USP32: variants seen among roughly 807,000 people sequenced by gnomAD.
USP32 encodes ubiquitin specific peptidase 32, also known as ubiquitin carboxyl-terminal hydrolase 32.
In USP32, 59 loss-of-function variants were observed where a neutral mutation model predicts 204.8. That is an observed-to-expected ratio of 0.29 (90% CI 0.23 to 0.36). USP32 has a LOEUF of 0.36. USP32 is among the 10% of genes least tolerant of loss of function. The pLI is 1.00. For synonymous variants in USP32, 517 were observed against 678.4 expected, an observed-to-expected ratio of 0.76 and a Z score of 3.70; for missense variants, 1,160 against 1,946.4, an observed-to-expected ratio of 0.60 and a Z score of 7.60.
chr17:60,223,501 C>T lies in USP32; in HGVS notation c.1518G>A (p.Leu506=), dbSNP rs980070656. The T allele has an allele frequency of 3.1e-6, 5 of 1,613,718 alleles. No individual in the cohort carries two copies. The highest frequency in any genetic ancestry group is 4.2e-6 in the Non-Finnish European group (5 of 1,179,964). Residue 506 remains leucine (L), a synonymous_variant, in exon 14 of 34, where the codon CTG becomes CTA. Transcript: ENST00000300896. ...NTSDNNNQCL[L]GANGNILLHL... is the part of the protein sequence containing the mutation. ...GCAACAAAATATTCCCATTGGCTCCCAGCAAACACTGGTTGTTATTGTCAG... is the reference window on the plus strand; with the variant it reads ...GCAACAAAATATTCCCATTGGCTCCTAGCAAACACTGGTTGTTATTGTCAG...
chr17:60,225,952 CAA>C (rs11309727), intron 13 of USP32, 85 bp downstream of exon 13: 136,154 of 982,208 alleles, frequency 0.14, 53 homozygotes, highest in South Asian at 0.15. Context: ...AACTCAGTCT[CAA>C]AAAAAAAAAA....
At chr17:60,319,530 C>G (rs1567850098) in intron 2 of USP32, among the ~76,000 whole-genome samples, 1 of 152,192 alleles carries the variant, frequency 6.6e-6, no homozygotes, top group Non-Finnish European at 1.5e-5. Context: ...GTAATCCCAG[C>G]ACTCTGGGAG....
chr17:60,312,507 C>G (rs915851955), intron 2 of USP32, among the ~76,000 whole-genome samples: 3 of 151,972 alleles, frequency 2.0e-5, no homozygotes, highest in African/African-American at 7.3e-5. Flanking sequence ...CTCATCGCAG[C>G]CTTGACCTCC....
chr17:60,286,136 C>CAAA (rs1170911336), intron 5 of USP32, among the ~76,000 whole-genome samples: 91 of 84,226 alleles, frequency 1.1e-3, no homozygotes, highest in African/African-American at 3.1e-3. Flanking sequence ...ACAGTGTGTC[C>CAAA]AAAAAAAAAA....
chr17:60,225,106 TACTG>T (rs1326806751), intron 13 of USP32, among the ~76,000 whole-genome samples: 2 of 152,166 alleles, frequency 1.3e-5, no homozygotes, highest in African/African-American at 4.8e-5. Flanking sequence ...AATTTAAATT[TACTG>T]ACTAAATAAT....
chr17:60,232,329 C>T (rs180881146), intron 12 of USP32, among the ~76,000 whole-genome samples: 10 of 151,212 alleles, frequency 6.6e-5, no homozygotes, highest in East Asian at 2.0e-4. Flanking sequence ...CACGCCACCA[C>T]GCCAGGCTAA....
intron 1 of USP32, among the ~76,000 whole-genome samples, chr17:60,405,559 C>T (rs2089969214): frequency 6.6e-6 from 1 of 151,932 alleles, no homozygotes; most frequent in African/African-American, 2.4e-5. Context: ...CCCAAGAATT[C>T]GAGACCAGCA....
intron 11 of USP32, among the ~76,000 whole-genome samples, chr17:60,241,165 T>C (rs1017612618): frequency 6.6e-6 from 1 of 152,160 alleles, no homozygotes; most frequent in Non-Finnish European, 1.5e-5. Flanking sequence ...GGCCGGCTAA[T>C]TTTTTGTATT....
chr17:60,406,167 A>G (rs1171684744), intron 1 of USP32, among the ~76,000 whole-genome samples: 1 of 151,720 alleles, frequency 6.6e-6, no homozygotes, highest in Non-Finnish European at 1.5e-5. Flanking sequence ...AAAAAAAAAA[A>G]AAAAAAAAAA....
At chr17:60,330,285 T>A (rs930235002) in intron 2 of USP32, among the ~76,000 whole-genome samples, 5 of 152,134 alleles carry the variant, frequency 3.3e-5, no homozygotes, top group Admixed American at 6.5e-5. Flanking sequence ...TTTTCATCCA[T>A]GATCTTAAAA....
At chr17:60,249,562 A>G (rs1427002386) in intron 11 of USP32, 2 of 545,050 alleles carry the variant, frequency 3.7e-6, no homozygotes, top group Non-Finnish European at 6.4e-6. Flanking sequence ...TTATCCTTGG[A>G]CAGGCATTTA....
chr17:60,374,700 T>C (rs377069337), intron 1 of USP32, among the ~76,000 whole-genome samples: 3 of 152,162 alleles, frequency 2.0e-5, no homozygotes, highest in South Asian at 2.1e-4. Context: ...ATAGAAGGAG[T>C]ATACTCTAAA....
intron 1 of USP32, among the ~76,000 whole-genome samples, chr17:60,389,625 T>A (rs1034830400): frequency 6.6e-6 from 1 of 152,040 alleles, no homozygotes; most frequent in Non-Finnish European, 1.5e-5. Flanking sequence ...GGACCATGCT[T>A]AAAGAAGGGG....
At chr17:60,215,655 C>G (rs1308953196) in intron 16 of USP32, among the ~76,000 whole-genome samples, 4 of 151,614 alleles carry the variant, frequency 2.6e-5, no homozygotes, top group African/African-American at 9.7e-5. Context: ...TACAACTGCA[C>G]CAGAAAACAT....
chr17:60,177,893 G>A lies in USP32; in HGVS notation c.*1362C>T, dbSNP rs2084005883. Among the ~76,000 whole-genome samples, 1 of 152,064 alleles carries A rather than the reference G, an allele frequency of 6.6e-6. No homozygotes were observed. The highest frequency in any genetic ancestry group is 1.5e-5 in the Non-Finnish European group (1 of 68,006). ...GACAATTAATGAGAATCAACTTGCA[G>A]GGTCTAAATGAATAAACAAAGACCA... On this transcript the variant is annotated 3_prime_UTR_variant, in exon 34 of 34. Transcript: ENST00000300896.
intron 1 of USP32, among the ~76,000 whole-genome samples, chr17:60,347,381 T>A (rs1477174126): frequency 6.7e-6 from 1 of 148,844 alleles, no homozygotes; most frequent in Non-Finnish European, 1.5e-5. Flanking sequence ...TGAGACGGCA[T>A]CTTGCTCTGT....
rs1349445839 is a variant in USP32 at position 60,209,546 on chromosome 17, A to G, written c.2425-3T>C. On this transcript the variant is annotated splice_polypyrimidine_tract_variant and splice_region_variant and intron_variant, in intron 21 of 33. Coordinates refer to ENST00000300896, the MANE Select transcript of USP32 (RefSeq NM_032582.4). The stretch of plus-strand genomic sequence containing the variant: ...GGAGCATATTTTGCTATGGTCCACT[A>G]TAAATATAAGAGAAGTCACAGTCAT... 6.4e-7 allele frequency: 1 copy of G among 1,572,136 alleles called. No individual in the cohort carries two copies. The highest frequency in any genetic ancestry group is 1.2e-5 in the South Asian group (1 of 81,744).
intron 9 of USP32, among the ~76,000 whole-genome samples, chr17:60,259,912 T>A (rs1427820611): frequency 6.6e-6 from 1 of 152,214 alleles, no homozygotes; most frequent in Admixed American, 6.5e-5. Context: ...TTGGTGATAT[T>A]TTTGTGACTA....
chr17:60,382,403 CA>C (rs1388046148), intron 1 of USP32, among the ~76,000 whole-genome samples: 50 of 152,164 alleles, frequency 3.3e-4, no homozygotes, highest in African/African-American at 1.1e-3. Flanking sequence ...AGACCTGAAC[CA>C]CCATGCCCAG....
Sources: gnomAD v4.1 joint callset for allele counts (sites outside exome capture counted in the v4.1 genomes callset) on GRCh38, gnomAD v4.1.1 for gene constraint, MANE v1.5 for transcripts, NCBI Gene and HGNC (gene_info 2026-07-23, HGNC 2026-07-21) for gene names.